Variants in WHRN observed in about 807,000 individuals in gnomAD.
WHRN encodes CASK-interacting protein CIP98.
Under a neutral mutation model 68.3 loss-of-function variants are expected in WHRN, and 41 were observed. That is an observed-to-expected ratio of 0.60 (90% CI 0.47 to 0.78). WHRN has a LOEUF of 0.78. WHRN is among the 30% of genes least tolerant of loss of function. WHRN has a pLI of 0.00. For missense variants in WHRN, 1,243 were observed against 1,244.7 expected (o/e 1.00, Z 0.02); for synonymous variants, 560 against 561.3 (o/e 1.00, Z 0.03).
At position 114,504,511 on chromosome 9, in the gene WHRN, G is replaced by A. The variant is rs755698714; in HGVS notation, c.291C>T (p.Val97=). Residue 97 remains valine, a synonymous_variant, in exon 1 of 12, where the codon GTC becomes GTT. Coordinates refer to ENST00000362057, the MANE Select transcript of WHRN (RefSeq NM_015404.4). ...KRRLLPMLRL[V]IPRSDQLLFD... ...AGAGCAGCTGGTCGGAGCGCGGGATGACCAGACGAAGCATGGGCAGCAGGC... is the reference window on the plus strand; with the variant it reads ...AGAGCAGCTGGTCGGAGCGCGGGATAACCAGACGAAGCATGGGCAGCAGGC... The A allele has an allele frequency of 1.2e-6, 2 of 1,609,578 alleles. No individual in the cohort carries two copies. Among genetic ancestry groups the A allele is most frequent in the Non-Finnish European group, 1.7e-6 (2 of 1,179,816 alleles).
intron 2 of WHRN, among the ~76,000 whole-genome samples, chr9:114,467,818 C>A (rs374499498): frequency 1.9e-4 from 29 of 152,280 alleles, no homozygotes; most frequent in African/African-American, 6.5e-4. Flanking sequence ...CGAGAAACAC[C>A]TGGCCACAAG....
At chr9:114,453,193 A>G (rs1480496996) in intron 3 of WHRN, among the ~76,000 whole-genome samples, 2 of 152,172 alleles carry the variant, frequency 1.3e-5, no homozygotes, top group African/African-American at 4.8e-5. Flanking sequence ...GCTTTTACTC[A>G]TGGCAGATGG....
intron 3 of WHRN, among the ~76,000 whole-genome samples, chr9:114,451,664 G>A (rs1839349169): frequency 1.3e-5 from 2 of 151,962 alleles, no homozygotes; most frequent in Admixed American, 6.5e-5. Flanking sequence ...GCCCTGCCCT[G>A]TGTCCCTCCC....
chr9:114,486,217 CTTTT>C (rs1347034636), intron 1 of WHRN, among the ~76,000 whole-genome samples: 1 of 152,142 alleles, frequency 6.6e-6, no homozygotes, highest in African/African-American at 2.4e-5. Flanking sequence ...CAACTTTCTT[CTTTT>C]TAAGAAACAT....
In WHRN at chr9:114,455,873, A is replaced by C. The variant is rs1288557799; in HGVS notation, c.963+10394T>G. ...GCATTTAATACACCTAATCTACCAGACATCACAGCTGAGCCTAGCCTGCCT... is the reference window on the plus strand; with the variant it reads ...GCATTTAATACACCTAATCTACCAGCCATCACAGCTGAGCCTAGCCTGCCT... On this transcript the variant is annotated intron_variant, in intron 3 of 11. Transcript: ENST00000362057. Among the ~76,000 whole-genome samples, 3 of 152,332 alleles carry C rather than the reference A, an allele frequency of 2.0e-5. No individual in the cohort carries two copies. The East Asian group carries it at 5.8e-4, about 29-fold the overall frequency.
intron 8 of WHRN, 98 bp downstream of exon 8, chr9:114,407,849 C>A: frequency 9.6e-7 from 1 of 1,045,210 alleles, no homozygotes. Flanking sequence ...CCTTTGCCAC[C>A]CTGTGCCCTT....
intron 7 of WHRN, among the ~76,000 whole-genome samples, chr9:114,417,088 G>A (rs1201693508): frequency 6.6e-6 from 1 of 152,192 alleles, no homozygotes; most frequent in Non-Finnish European, 1.5e-5. Context: ...AAATGATATT[G>A]TGTGAAGGCA....
Position 114,504,906 on chromosome 9 carries a change from G to A in WHRN, c.-105C>T. 6 of 1,318,814 alleles carry A rather than the reference G, an allele frequency of 4.5e-6. No homozygotes were observed. In the South Asian group the frequency reaches 1.3e-4, roughly 28 times the overall value. 81.7% of individuals were successfully genotyped at this position (1,318,814 alleles called of 1,614,324 possible). A position where few individuals can be genotyped will look rare whatever the true frequency, so the allele number is the denominator to read the frequency against. On this transcript the variant is annotated 5_prime_UTR_variant, in exon 1 of 12. Transcript: ENST00000362057. Reference sequence around the variant, plus strand: ...GCTGGATCCCCGGGAGCGCGGAGACGACGGCTGGAGCCTGGGTTTGGGGAG... The same window carrying A: ...GCTGGATCCCCGGGAGCGCGGAGACAACGGCTGGAGCCTGGGTTTGGGGAG...
At chr9:114,503,301 C>T in intron 1 of WHRN, 3 of 690,946 alleles carry the variant, frequency 4.3e-6, no homozygotes, top group Non-Finnish European at 5.4e-6. Flanking sequence ...CCCTTTTCCC[C>T]CAAACTCTTC....
chr9:114,431,742 A>G (rs1011715254), intron 3 of WHRN, among the ~76,000 whole-genome samples: 6 of 152,210 alleles, frequency 3.9e-5, no homozygotes, highest in Non-Finnish European at 7.3e-5. Flanking sequence ...TCAGAGTTAG[A>G]CGGCACAGGA....
intron 1 of WHRN, among the ~76,000 whole-genome samples, chr9:114,483,159 A>T (rs1006575563): frequency 3.3e-5 from 5 of 152,220 alleles, no homozygotes; most frequent in African/African-American, 1.2e-4. Context: ...GGAGAGCAAG[A>T]AAATCATCAT....
chr9:114,484,037 G>T (rs1188909488), intron 1 of WHRN, among the ~76,000 whole-genome samples: 2 of 152,164 alleles, frequency 1.3e-5, no homozygotes, highest in Non-Finnish European at 2.9e-5. Context: ...GGCTGGTGTT[G>T]CTACCAGGTC....
At position 114,402,737 on chromosome 9, in the gene WHRN, C is replaced by T; in HGVS notation, c.*17G>A. On this transcript the variant is annotated 3_prime_UTR_variant, in exon 12 of 12. Transcript: ENST00000362057. ...CCAGGGGCTGGGCAGTGGTGGGAGGCCCTCAGGCCTTGGCCTCTAGAGCAT... is the reference window on the plus strand; with the variant it reads ...CCAGGGGCTGGGCAGTGGTGGGAGGTCCTCAGGCCTTGGCCTCTAGAGCAT... The T allele has an allele frequency of 6.2e-6, 10 of 1,613,490 alleles. No individual in the cohort carries two copies. The highest frequency in any genetic ancestry group is 1.7e-5 in the Admixed American group (1 of 60,030).
chr9:114,402,864 G>A lies in WHRN; in HGVS notation c.2614C>T (p.Leu872Phe), dbSNP rs368967428. The A allele has an allele frequency of 1.9e-6, 3 of 1,613,956 alleles. No homozygotes were observed. The highest frequency in any genetic ancestry group is 2.5e-6 in the Non-Finnish European group (3 of 1,180,046). ...HVILEVNGLT[L>F]RGKEHREAAR... is the part of the protein sequence containing the mutation. ...GCCTCCCGGTGCTCCTTGCCCCGAA[G>A]CGTCAGCCCATTCACTTCCAGAATC... Residue 872 changes from leucine to phenylalanine, a missense_variant, in exon 12 of 12, where the codon CTT (leucine) becomes TTT (phenylalanine). By Grantham distance (22) the Leu-to-Phe change is conservative. Coordinates refer to ENST00000362057, the MANE Select transcript of WHRN (RefSeq NM_015404.4).
At chr9:114,413,216 T>A (rs1835577508) in intron 7 of WHRN, among the ~76,000 whole-genome samples, 1 of 151,594 alleles carries the variant, frequency 6.6e-6, no homozygotes, top group African/African-American at 2.4e-5. Flanking sequence ...GAGAAAGAGA[T>A]TAGAGGGAGA....
chr9:114,478,643 G>A lies in WHRN; in HGVS notation c.747C>T (p.Gly249=), dbSNP rs1841856532. ...GGGCACCACCGTGGGGCTGGGGCAG[G>A]CCCGAGGGTGGGGAGATGCTGCGGC... ...PQGRSISPPS[G]LPQPHGGALR... Residue 249 remains glycine, a synonymous_variant, in exon 2 of 12, where the codon GGC becomes GGT. Transcript: ENST00000362057. 2 of 1,613,664 alleles carry A rather than the reference G, an allele frequency of 1.2e-6. No individual in the cohort carries two copies. The highest frequency in any genetic ancestry group is 1.7e-6 in the Non-Finnish European group (2 of 1,179,936).
intron 7 of WHRN, among the ~76,000 whole-genome samples, chr9:114,420,332 C>A (rs893537404): frequency 6.6e-6 from 1 of 152,254 alleles, no homozygotes; most frequent in Admixed American, 6.5e-5. Flanking sequence ...AGGCGAGTCC[C>A]CACTGCTCTA....
At chr9:114,412,490 G>A (rs1209541942) in intron 7 of WHRN, among the ~76,000 whole-genome samples, 1 of 152,186 alleles carries the variant, frequency 6.6e-6, no homozygotes, top group Non-Finnish European at 1.5e-5. Context: ...GGTGACTGAA[G>A]ATCAGAGCGG....
intron 3 of WHRN, among the ~76,000 whole-genome samples, chr9:114,450,419 T>C (rs1470815679): frequency 6.6e-6 from 1 of 152,094 alleles, no homozygotes; most frequent in Non-Finnish European, 1.5e-5. Context: ...AAGGCCCCAC[T>C]GTGAAACTGC....
Sources: allele counts gnomAD v4.1 joint callset (sites outside exome capture counted in the v4.1 genomes callset), GRCh38; gene constraint gnomAD v4.1.1; transcripts MANE v1.5; gene names NCBI Gene and HGNC (gene_info 2026-07-23, HGNC 2026-07-21).